ESRRG: variants seen among roughly 807,000 people sequenced by gnomAD.
ESRRG encodes the protein estrogen related receptor gamma, also known as estrogen-related receptor gamma.
Under a neutral mutation model 44.0 loss-of-function variants are expected in ESRRG, and 13 were observed. The ratio of observed to expected loss-of-function variants is 0.30; its 90% CI spans 0.19 to 0.47. The LOEUF is 0.47. ESRRG is among the 20% of genes least tolerant of loss of function. The pLI is 1.00. For synonymous variants in ESRRG, 215 were observed against 214.6 expected, an observed-to-expected ratio of 1.00 and a Z score of -0.02; for missense variants, 395 against 580.6, an observed-to-expected ratio of 0.68 and a Z score of 3.29.
chr1:217,009,702 CTTTTTTT>C (rs11325118), intron 1 of ESRRG, among the ~76,000 whole-genome samples: 7 of 106,358 alleles, frequency 6.6e-5, no homozygotes, highest in Middle Eastern at 4.9e-3. Context: ...TTTTCTTTTT[CTTTTTTT>C]TTTTTTTTTT....
At chr1:216,962,520 T>G (rs190235611) in intron 1 of ESRRG, among the ~76,000 whole-genome samples, 2 of 152,186 alleles carry the variant, frequency 1.3e-5, no homozygotes, top group Non-Finnish European at 2.9e-5. Flanking sequence ...GCATCTGTTG[T>G]CTCATCCATT....
chr1:216,644,115 T>C (rs1022516816), intron 3 of ESRRG, among the ~76,000 whole-genome samples: 4 of 152,174 alleles, frequency 2.6e-5, no homozygotes, highest in African/African-American at 9.6e-5. Context: ...TTGGGTTCCT[T>C]ATCTGACTAA....
intron 2 of ESRRG, among the ~76,000 whole-genome samples, chr1:216,819,674 T>C (rs1338229792): frequency 6.6e-6 from 1 of 152,198 alleles, no homozygotes; most frequent in Non-Finnish European, 1.5e-5. Flanking sequence ...GGAAGCTAGT[T>C]AAATGTTTTA....
intron 1 of ESRRG, among the ~76,000 whole-genome samples, chr1:216,721,023 T>C (rs2086149941): frequency 6.6e-6 from 1 of 152,242 alleles, no homozygotes; most frequent in African/African-American, 2.4e-5. Flanking sequence ...TTAGAATGAT[T>C]AGACTGACAC....
chr1:216,703,352 C>T (rs919515450), intron 1 of ESRRG, among the ~76,000 whole-genome samples: 1 of 152,128 alleles, frequency 6.6e-6, no homozygotes, highest in Non-Finnish European at 1.5e-5. Flanking sequence ...AGAAAGTTTA[C>T]TCATCTGTGT....
chr1:216,814,585 C>A (rs1351367510), intron 2 of ESRRG, among the ~76,000 whole-genome samples: 1 of 152,124 alleles, frequency 6.6e-6, no homozygotes, highest in Admixed American at 6.5e-5. Flanking sequence ...GTTTTTTAAC[C>A]TAACCATGTA....
At chr1:217,084,074 A>C (rs1305640104) in intron 1 of ESRRG, among the ~76,000 whole-genome samples, 1 of 152,122 alleles carries the variant, frequency 6.6e-6, no homozygotes, top group Admixed American at 6.6e-5. Context: ...TCCACCAAAA[A>C]AAGTCATTAG....
intron 2 of ESRRG, among the ~76,000 whole-genome samples, chr1:216,881,385 G>T (rs1000333822): frequency 6.6e-6 from 1 of 152,024 alleles, no homozygotes; most frequent in East Asian, 1.9e-4. Context: ...ATTTTTCAGA[G>T]ATATTAACAG....
At chr1:217,000,406 A>T in intron 1 of ESRRG, 1 of 152,126 alleles carries the variant, frequency 6.6e-6, no homozygotes, top group East Asian at 1.9e-4. Context: ...CATAATTCCA[A>T]TCTTTATGTG....
At chr1:217,011,407 T>A (rs1348247476) in intron 1 of ESRRG, among the ~76,000 whole-genome samples, 1 of 152,196 alleles carries the variant, frequency 6.6e-6, no homozygotes, top group Non-Finnish European at 1.5e-5. Context: ...GTCTGAGTGG[T>A]GACTTGGTAA....
chr1:217,133,647 CTT>C (rs71163791), intron 1 of ESRRG, among the ~76,000 whole-genome samples: 200 of 57,014 alleles, frequency 3.5e-3, no homozygotes, highest in African/African-American at 0.015. Context: ...CTCTCTCTCT[CTT>C]TCTTTCTTTC....
chr1:216,709,807 A>G (rs1331056999), intron 1 of ESRRG, among the ~76,000 whole-genome samples: 1 of 146,986 alleles, frequency 6.8e-6, no homozygotes, highest in Admixed American at 6.7e-5. Context: ...AATTAAACAC[A>G]CAAAAAAATC....
chr1:216,610,908 C>G (rs938458297), intron 3 of ESRRG, among the ~76,000 whole-genome samples: 3 of 152,090 alleles, frequency 2.0e-5, no homozygotes, highest in African/African-American at 7.2e-5. Context: ...TGGAATCTAG[C>G]TATTGTACTG....
At chr1:216,886,521 T>C (rs2096520288) in intron 2 of ESRRG, among the ~76,000 whole-genome samples, 3 of 152,150 alleles carry the variant, frequency 2.0e-5, no homozygotes. Context: ...AGTAAAGAAT[T>C]GGCAATACCA....
intron 2 of ESRRG, among the ~76,000 whole-genome samples, chr1:216,835,446 T>C (rs1274103372): frequency 6.6e-6 from 1 of 152,242 alleles, no homozygotes; most frequent in African/African-American, 2.4e-5. Flanking sequence ...TGGTTGACAC[T>C]GACACGGCTG....
intron 1 of ESRRG, among the ~76,000 whole-genome samples, chr1:216,708,309 T>C (rs1267120652): frequency 6.6e-6 from 1 of 152,118 alleles, no homozygotes; most frequent in Non-Finnish European, 1.5e-5. Context: ...AAGTAATATA[T>C]ATTACCAAGA....
intron 1 of ESRRG, among the ~76,000 whole-genome samples, chr1:217,073,170 G>A (rs1231706538): frequency 8.0e-6 from 1 of 124,228 alleles, no homozygotes; most frequent in East Asian, 2.3e-4. Context: ...GATCTCTGCT[G>A]GCACCTTGTC....
chr1:216,687,863 T>C (rs71643421), intron 1 of ESRRG, among the ~76,000 whole-genome samples: 11,925 of 152,264 alleles, frequency 0.078, 621 homozygotes, highest in Middle Eastern at 0.16. Context: ...GTGCTAGTTT[T>C]GGTGATTGCT....
intron 2 of ESRRG, among the ~76,000 whole-genome samples, chr1:216,729,693 T>C (rs1358171061): frequency 6.6e-6 from 1 of 152,166 alleles, no homozygotes; most frequent in African/African-American, 2.4e-5. Context: ...AATTGTACAT[T>C]GTTTACCAGA....
Sources: allele counts gnomAD v4.1 joint callset (sites outside exome capture counted in the v4.1 genomes callset), GRCh38; gene constraint gnomAD v4.1.1; transcripts MANE v1.5; gene names NCBI Gene and HGNC (gene_info 2026-07-23, HGNC 2026-07-21).